Variants in PDGFC observed in about 807,000 individuals in gnomAD.
PDGFC encodes the protein platelet-derived growth factor C.
A neutral mutation model predicts 35.5 loss-of-function variants in PDGFC; 12 were observed. The ratio of observed to expected loss-of-function variants is 0.34; its 90% confidence interval spans 0.22 to 0.55. The LOEUF is 0.55. PDGFC is among the 20% of genes least tolerant of loss of function. The pLI, the probability that PDGFC is intolerant of heterozygous loss-of-function variation, is 0.91. For synonymous variants in PDGFC, 159 were observed against 148.8 expected (o/e 1.07, Z -0.50); for missense variants, 322 against 412.4 (o/e 0.78, Z 1.90).
intron 1 of PDGFC, chr4:156,967,324 A>T (rs1732489605): frequency 6.6e-6 from 1 of 152,164 alleles, no homozygotes; most frequent in Admixed American, 6.5e-5. Context: ...GCTGGCACTG[A>T]TAAAAAGAGA....
intron 1 of PDGFC, among the ~76,000 whole-genome samples, chr4:156,893,707 C>T (rs1730567972): frequency 6.6e-6 from 1 of 151,868 alleles, no homozygotes; most frequent in Non-Finnish European, 1.5e-5. Context: ...AGGACAATTA[C>T]TGCTCAGATT....
chr4:156,935,748 C>A (rs1430290337), intron 1 of PDGFC, among the ~76,000 whole-genome samples: 1 of 152,124 alleles, frequency 6.6e-6, no homozygotes, highest in African/African-American at 2.4e-5. Context: ...TTGTAAGAGC[C>A]ATAGCAGCAA....
chr4:156,935,299 A>G, intron 1 of PDGFC, among the ~76,000 whole-genome samples: 1 of 152,214 alleles, frequency 6.6e-6, no homozygotes, highest in East Asian at 1.9e-4. Flanking sequence ...TCTGACTTAC[A>G]GTTAACTTTT....
intron 1 of PDGFC, among the ~76,000 whole-genome samples, chr4:156,948,231 A>G (rs1031326474): frequency 3.3e-5 from 5 of 150,922 alleles, no homozygotes; most frequent in Non-Finnish European, 5.9e-5. Context: ...AAAAAAAAAA[A>G]GGAAAAGACG....
At chr4:156,970,021 G>A (rs960568148) in intron 1 of PDGFC, among the ~76,000 whole-genome samples, 7 of 152,124 alleles carry the variant, frequency 4.6e-5, no homozygotes, top group African/African-American at 1.4e-4. Context: ...TTTATGAAAG[G>A]AGCCTTTCTC....
At chr4:156,766,863 C>T (rs1730544047) in intron 5 of PDGFC, among the ~76,000 whole-genome samples, 1 of 152,020 alleles carries the variant, frequency 6.6e-6, no homozygotes, top group South Asian at 2.1e-4. Context: ...CATTCTAGAG[C>T]TCGGCTTTCA....
chr4:156,866,325 A>C (rs914321574), intron 1 of PDGFC, among the ~76,000 whole-genome samples: 14 of 152,086 alleles, frequency 9.2e-5, no homozygotes, highest in African/African-American at 3.4e-4. Flanking sequence ...CATTGTGTGT[A>C]TGTGCCACAT....
At chr4:156,871,807 G>A (rs1488215753) in intron 1 of PDGFC, among the ~76,000 whole-genome samples, 2 of 149,624 alleles carry the variant, frequency 1.3e-5, no homozygotes, top group African/African-American at 2.5e-5. Context: ...TCATATTTAA[G>A]TATTCTTGTA....
intron 3 of PDGFC, among the ~76,000 whole-genome samples, chr4:156,788,698 A>T (rs187163913): frequency 6.6e-6 from 1 of 152,300 alleles, no homozygotes; most frequent in Non-Finnish European, 1.5e-5. Context: ...TTTAAAGAGG[A>T]CTATTTAAGT....
intron 1 of PDGFC, among the ~76,000 whole-genome samples, chr4:156,921,338 GA>G (rs559574986): frequency 2.1e-4 from 32 of 152,186 alleles, no homozygotes; most frequent in African/African-American, 6.3e-4. Flanking sequence ...GATAATCAGA[GA>G]AAAACTACCC....
intron 2 of PDGFC, among the ~76,000 whole-genome samples, chr4:156,812,257 A>T (rs1731954411): frequency 6.6e-6 from 1 of 152,028 alleles, no homozygotes; most frequent in Non-Finnish European, 1.5e-5. Context: ...TTACATTCGC[A>T]ATGAGTCGAC....
At chr4:156,922,010 G>A (rs1194580596) in intron 1 of PDGFC, among the ~76,000 whole-genome samples, 4 of 152,100 alleles carry the variant, frequency 2.6e-5, no homozygotes, top group Non-Finnish European at 5.9e-5. Context: ...TGATGAACAT[G>A]GTCCAATCCC....
intron 3 of PDGFC, among the ~76,000 whole-genome samples, chr4:156,806,861 A>T (rs1414227627): frequency 1.3e-5 from 2 of 152,068 alleles, no homozygotes; most frequent in Non-Finnish European, 2.9e-5. Flanking sequence ...TTACTCCAAA[A>T]TTAAACAAGA....
At chr4:156,844,152 G>C (rs892527426) in intron 2 of PDGFC, among the ~76,000 whole-genome samples, 1 of 152,076 alleles carries the variant, frequency 6.6e-6, no homozygotes, top group Non-Finnish European at 1.5e-5. Flanking sequence ...ACCACAGAAA[G>C]CAAATAAACT....
chr4:156,948,569 C>G (rs1424302535), intron 1 of PDGFC, among the ~76,000 whole-genome samples: 2 of 151,874 alleles, frequency 1.3e-5, no homozygotes, highest in African/African-American at 2.4e-5. Flanking sequence ...TTCCCTGAAC[C>G]CTCTGTTTAA....
At chr4:156,806,362 T>C (rs1285176116) in intron 3 of PDGFC, among the ~76,000 whole-genome samples, 1 of 152,036 alleles carries the variant, frequency 6.6e-6, no homozygotes, top group Non-Finnish European at 1.5e-5. Context: ...ACTCATTAAA[T>C]GGAAAAAAGT....
chr4:156,815,027 T>C (rs1015507963), intron 2 of PDGFC, among the ~76,000 whole-genome samples: 1 of 152,174 alleles, frequency 6.6e-6, no homozygotes, highest in East Asian at 1.9e-4. Context: ...CATGCAAGTC[T>C]AGTGCATATA....
At position 156,828,565 on chromosome 4, in the gene PDGFC, C is replaced by A. The variant is rs1482732408; in HGVS notation, c.315-17548G>T. 2.0e-5 allele frequency among the ~76,000 whole-genome samples: 3 copies of A among 151,966 alleles called. No homozygotes were observed. The East Asian group carries it at 5.8e-4, about 29-fold the overall frequency. On this transcript the variant is annotated intron_variant, in intron 2 of 5. Transcript: ENST00000502773. Reference sequence around the variant, plus strand: ...TGGTTTTTTGCTTTTTCTCCCTTTTCTTCAGTGACCATTATAAAAATAATG... The same window carrying A: ...TGGTTTTTTGCTTTTTCTCCCTTTTATTCAGTGACCATTATAAAAATAATG...
intron 1 of PDGFC, among the ~76,000 whole-genome samples, chr4:156,943,613 T>C (rs1403936995): frequency 6.6e-6 from 1 of 152,062 alleles, no homozygotes; most frequent in African/African-American, 2.4e-5. Flanking sequence ...AAACCTTTTT[T>C]TTTCACTCGA....
Sources: allele counts gnomAD v4.1 joint callset (sites outside exome capture counted in the v4.1 genomes callset), GRCh38; gene constraint gnomAD v4.1.1; transcripts MANE v1.5; gene names NCBI Gene and HGNC (gene_info 2026-07-23, HGNC 2026-07-21).